The following SMG6 variants were observed in gnomAD, a reference collection of about 807,000 sequenced individuals.
SMG6 encodes telomerase-binding protein EST1A.
A neutral mutation model predicts 142.2 loss-of-function variants in SMG6; 66 were observed. The observed-to-expected ratio is 0.46, with a 90% CI of 0.38 to 0.57. The LOEUF (loss-of-function observed/expected upper bound fraction) is 0.57. Among genes scored for constraint, SMG6 ranks in the 20% least tolerant of loss-of-function variants. The pLI is 0.00. For synonymous variants in SMG6, 779 were observed against 702.4 expected, an observed-to-expected ratio of 1.11 and a Z score of -1.72; for missense variants, 1,793 against 1,832.0, an observed-to-expected ratio of 0.98 and a Z score of 0.39.
intron 13 of SMG6, among the ~76,000 whole-genome samples, chr17:2,155,353 C>A (rs751062706): frequency 3.3e-5 from 5 of 151,870 alleles, no homozygotes; most frequent in South Asian, 2.1e-4. Flanking sequence ...TGAGCCACGG[C>A]GAATGAACCA....
intron 9 of SMG6, among the ~76,000 whole-genome samples, chr17:2,238,942 G>C (rs916158450): frequency 2.7e-5 from 4 of 149,626 alleles, no homozygotes; most frequent in Non-Finnish European, 5.9e-5. Flanking sequence ...GAGAGAAGGT[G>C]GATCTATTCA....
chr17:2,178,880 C>T (rs1391251504), intron 12 of SMG6, among the ~76,000 whole-genome samples: 9 of 152,172 alleles, frequency 5.9e-5, no homozygotes, highest in Admixed American at 5.2e-4. Context: ...AAACTTTTAG[C>T]TGTAACCACT....
chr17:2,136,394 C>T (rs191741552), intron 13 of SMG6, among the ~76,000 whole-genome samples: 5 of 152,306 alleles, frequency 3.3e-5, no homozygotes, highest in Admixed American at 1.3e-4. Context: ...GTCAACCACA[C>T]AGTGAGCTCT....
At chr17:2,108,339 A>G (rs185462339) in intron 13 of SMG6, among the ~76,000 whole-genome samples, 4 of 152,328 alleles carry the variant, frequency 2.6e-5, no homozygotes, top group Admixed American at 1.3e-4. Context: ...AAATCTTGCC[A>G]GGCGCAGTGA....
At chr17:2,186,892 G>T in intron 11 of SMG6, 61 bp from the exon 12 acceptor site, 1 of 1,570,478 alleles carries the variant, frequency 6.4e-7, no homozygotes, top group South Asian at 1.2e-5. Context: ...GTGAGGCCTG[G>T]GGCGCTGGGA....
At chr17:2,144,203 T>C (rs2070587505) in intron 13 of SMG6, among the ~76,000 whole-genome samples, 1 of 151,924 alleles carries the variant, frequency 6.6e-6, no homozygotes, top group South Asian at 2.1e-4. Context: ...GGATTACAGG[T>C]GCCTGCCATC....
At position 2,080,976 on chromosome 17, in the gene SMG6, C is replaced by T. The variant is rs185903239; in HGVS notation, c.3681+834G>A. 7.2e-5 allele frequency among the ~76,000 whole-genome samples: 11 copies of T among 152,290 alleles called. No homozygotes were observed. In the East Asian group the frequency reaches 1.7e-3, roughly 24 times the overall value. The stretch of plus-strand genomic sequence containing the variant: ...AGATGAGGAAACAGGCTCTGAGAAG[C>T]TGAATGATTTGCCCCATGTTACAAA... On this transcript the variant is annotated intron_variant, in intron 15 of 18. Coordinates refer to ENST00000263073, the MANE Select transcript of SMG6 (RefSeq NM_017575.5).
intron 13 of SMG6, chr17:2,117,655 T>G (rs2069549262): frequency 6.6e-6 from 1 of 152,230 alleles, no homozygotes; most frequent in Non-Finnish European, 1.5e-5. Context: ...CTAGCTATAC[T>G]ATGTTCATAA....
chr17:2,295,349 C>CA (rs961820037), intron 4 of SMG6, among the ~76,000 whole-genome samples: 5 of 151,654 alleles, frequency 3.3e-5, no homozygotes, highest in South Asian at 2.1e-4. Context: ...GTGGTACAGA[C>CA]AAAAAAAACG....
intron 8 of SMG6, among the ~76,000 whole-genome samples, chr17:2,272,191 G>C (rs917436654): frequency 2.0e-5 from 3 of 152,192 alleles, no homozygotes; most frequent in African/African-American, 7.2e-5. Context: ...AATTACCACA[G>C]ATTTAGGTGC....
chr17:2,090,893 T>C (rs2068698462), intron 13 of SMG6, among the ~76,000 whole-genome samples: 1 of 152,224 alleles, frequency 6.6e-6, no homozygotes, highest in Non-Finnish European at 1.5e-5. Flanking sequence ...GACAGGAACA[T>C]GAAGTCTTTC....
intron 10 of SMG6, among the ~76,000 whole-genome samples, chr17:2,224,001 G>A (rs187521705): frequency 2.0e-5 from 3 of 152,222 alleles, no homozygotes; most frequent in East Asian, 1.9e-4. Flanking sequence ...CTGGTAGTAC[G>A]GCAGACTAGA....
Position 2,300,684 on chromosome 17 carries a change from G to A in SMG6, c.89-20C>T, listed in dbSNP as rs1263456136. The stretch of plus-strand genomic sequence containing the variant: ...TGTTTTCTGTTATGTCGGGGAAAGA[G>A]TTTGGGAGGGAAAGGTAGAAGATAA... On this transcript the variant is annotated intron_variant, in intron 1 of 18. Transcript: ENST00000263073. 1.3e-6 allele frequency: 2 copies of A among 1,543,470 alleles called. No individual in the cohort carries two copies. Among genetic ancestry groups the A allele is most frequent in the South Asian group, 1.3e-5 (1 of 79,378 alleles).
chr17:2,155,183 G>GCTGGGATTA (rs753567330), intron 13 of SMG6, among the ~76,000 whole-genome samples: 1 of 151,816 alleles, frequency 6.6e-6, no homozygotes, highest in African/African-American at 2.4e-5. Context: ...ACCCCTAGCA[G>GCTGGGATTA]CTGGGATTAC....
At chr17:2,298,172 C>G in intron 2 of SMG6, 117 bp from the exon 3 acceptor site, 1 of 889,034 alleles carries the variant, frequency 1.1e-6, no homozygotes, top group Non-Finnish European at 1.7e-6. Flanking sequence ...AAAATGTGAC[C>G]AGGTAGGTAT....
At chr17:2,289,105 C>A (rs2074974426) in intron 6 of SMG6, among the ~76,000 whole-genome samples, 1 of 149,724 alleles carries the variant, frequency 6.7e-6, no homozygotes, top group Admixed American at 6.7e-5. Context: ...AAAAAATTAG[C>A]CAGCTGTGGT....
At chr17:2,214,321 A>C (rs2072949334) in intron 10 of SMG6, 1 of 151,816 alleles carries the variant, frequency 6.6e-6, no homozygotes, top group Admixed American at 6.6e-5. Context: ...TCTGACCAGC[A>C]AAGAAACAGC....
At chr17:2,090,659 G>C (rs917583213) in intron 13 of SMG6, among the ~76,000 whole-genome samples, 1 of 152,200 alleles carries the variant, frequency 6.6e-6, no homozygotes, top group African/African-American at 2.4e-5. Flanking sequence ...GTTTAAACTT[G>C]TACTATCAGC....
At position 2,128,904 on chromosome 17, in the gene SMG6, G is replaced by C. The variant is rs543141813; in HGVS notation, c.3358-43003C>G. 7.3e-5 allele frequency among the ~76,000 whole-genome samples: 11 copies of C among 151,654 alleles called. No homozygotes were observed. In the East Asian group the frequency reaches 2.1e-3, roughly 29 times the overall value. ...GAAAAAGAAAGAAAGAAAGAAAATG[G>C]CATGCAAGCAGCAGAGTAAAAACCT... On this transcript the variant is annotated intron_variant, in intron 13 of 18. Coordinates refer to ENST00000263073, the MANE Select transcript of SMG6 (RefSeq NM_017575.5).
Sources: gnomAD v4.1 joint callset for allele counts (sites outside exome capture counted in the v4.1 genomes callset) on GRCh38, gnomAD v4.1.1 for gene constraint, MANE v1.5 for transcripts, NCBI Gene and HGNC (gene_info 2026-07-23, HGNC 2026-07-21) for gene names.